Variants in FBXO8 observed in about 807,000 individuals in gnomAD.
FBXO8 encodes the protein F-box only protein 8.
Under a neutral mutation model 33.4 loss-of-function variants are expected in FBXO8, and 15 were observed. That is an observed-to-expected ratio of 0.45 (90% confidence interval 0.30 to 0.69). The LOEUF (loss-of-function observed/expected upper bound fraction) is 0.69. Ranked by LOEUF, FBXO8 falls within the 30% of genes least tolerant of loss-of-function variation. The probability of loss-of-function intolerance (pLI) is 0.08; values close to 1 mark genes in which losing one functional copy is unlikely to be tolerated. For synonymous variants in FBXO8, 132 were observed against 131.5 expected, an observed-to-expected ratio of 1.00 and a Z score of -0.02; for missense variants, 274 against 380.3, an observed-to-expected ratio of 0.72 and a Z score of 2.32.
At position 174,245,166 on chromosome 4, in the gene FBXO8, T is replaced by C. The variant is rs1036270688; in HGVS notation, c.457-3948A>G. 6.6e-6 allele frequency among the ~76,000 whole-genome samples: 1 copy of C among 151,826 alleles called. No homozygotes were observed. Among genetic ancestry groups the C allele is most frequent in the Admixed American group, 6.6e-5 (1 of 15,188 alleles). The stretch of plus-strand genomic sequence containing the variant: ...CCTAAGAAAATTTAAAGTTTATCTG[T>C]GGCAATGAGACACATACATAAACAT... On this transcript the variant is annotated intron_variant, in intron 3 of 5. Coordinates refer to ENST00000393674, the MANE Select transcript of FBXO8 (RefSeq NM_012180.3). This position sits in a 1 kb window ranked among gnomAD's most constrained non-coding sequence, Gnocchi z 4.6.
At chr4:174,271,005 G>A (rs1291104531) in intron 1 of FBXO8, among the ~76,000 whole-genome samples, 1 of 152,070 alleles carries the variant, frequency 6.6e-6, no homozygotes, top group African/African-American at 2.4e-5. Context: ...ACTCACTTTT[G>A]AAACAATCTT....
chr4:174,277,443 C>G lies in FBXO8; in HGVS notation c.-9+5967G>C, dbSNP rs1008880220. Among the ~76,000 whole-genome samples, 5 of 152,184 alleles carry G rather than the reference C, an allele frequency of 3.3e-5. No individual in the cohort carries two copies. The South Asian group carries it at 1.0e-3, about 32-fold the overall frequency. On this transcript the variant is annotated intron_variant, in intron 1 of 5. Transcript: ENST00000393674. The surrounding 1 kb of genome is among the most constrained non-coding windows in gnomAD (Gnocchi z 4.9). ...CTGCTTATAATTTCATGGCACTAAG[C>G]ACTCAAATGGCACATGCTGTGCAGA... is the stretch of plus-strand genomic sequence containing the variant.
chr4:174,263,430 G>A lies in FBXO8; in HGVS notation c.-8-330C>T, dbSNP rs186626127. 2.6e-5 allele frequency among the ~76,000 whole-genome samples: 4 copies of A among 152,226 alleles called. No homozygotes were observed. Among genetic ancestry groups the A allele is most frequent in the Admixed American group, 2.0e-4 (3 of 15,296 alleles). The stretch of plus-strand genomic sequence containing the variant: ...TAATACTCTTACAAATTATAATTAT[G>A]TGGACTTATGGGCCAGTATTAAATA... On this transcript the variant is annotated intron_variant, in intron 1 of 5. Transcript: ENST00000393674. The surrounding 1 kb of genome is among the most constrained non-coding windows in gnomAD (Gnocchi z 4.2).
intron 3 of FBXO8, among the ~76,000 whole-genome samples, chr4:174,250,419 G>A (rs766041861): frequency 7.2e-5 from 11 of 151,876 alleles, no homozygotes; most frequent in Admixed American, 2.6e-4. Flanking sequence ...TAAAACCCCA[G>A]CACACTTTGA....
intron 1 of FBXO8, among the ~76,000 whole-genome samples, chr4:174,282,497 A>G (rs1450653298): frequency 6.6e-6 from 1 of 152,202 alleles, no homozygotes; most frequent in Non-Finnish European, 1.5e-5. Context: ...CCCAATATGA[A>G]AAAAATAATA....
intron 3 of FBXO8, among the ~76,000 whole-genome samples, chr4:174,250,740 A>T (rs566735713): frequency 6.6e-6 from 1 of 152,278 alleles, no homozygotes; most frequent in African/African-American, 2.4e-5. Context: ...ACAATTGATG[A>T]CATCCAAGAA....
In FBXO8 at chr4:174,237,316, G is replaced by T; in HGVS notation, c.*96C>A. The T allele has an allele frequency of 3.1e-6, 3 of 969,060 alleles. No homozygotes were observed. The highest frequency in any genetic ancestry group is 4.6e-6 in the Non-Finnish European group (3 of 658,106). 60.0% of individuals were successfully genotyped at this position (969,060 alleles called of 1,614,324 possible). Reference sequence around the variant, plus strand: ...CACTGAAGCTTGATTGTATACTCAGGCTACAATGACCAGCACTGATGTAAC... The same window carrying T: ...CACTGAAGCTTGATTGTATACTCAGTCTACAATGACCAGCACTGATGTAAC... On this transcript the variant is annotated 3_prime_UTR_variant, in exon 6 of 6. Transcript: ENST00000393674. This position sits in a 1 kb window ranked among gnomAD's most constrained non-coding sequence, Gnocchi z 4.4.
At chr4:174,271,924 C>T (rs1050500322) in intron 1 of FBXO8, among the ~76,000 whole-genome samples, 2 of 152,128 alleles carry the variant, frequency 1.3e-5, no homozygotes, top group African/African-American at 2.4e-5. Context: ...AGGTACTCAT[C>T]AAAGTTCTGC....
At chr4:174,250,425 T>G (rs928390613) in intron 3 of FBXO8, among the ~76,000 whole-genome samples, 1 of 151,976 alleles carries the variant, frequency 6.6e-6, no homozygotes, top group African/African-American at 2.4e-5. Context: ...CCCAGCACAC[T>G]TTGAAATACC....
rs768394345 is a variant in FBXO8, at chr4:174,270,620, A to ATT, written c.-8-7522_-8-7521dup. Among the ~76,000 whole-genome samples, 55 of 142,630 alleles carry ATT rather than the reference A, an allele frequency of 3.9e-4. 1 individual carries two copies. Among genetic ancestry groups the ATT allele is most frequent in the South Asian group, 1.1e-3 (5 of 4,458 alleles). The allele number at this position is 142,630 out of a possible 152,430, so 93.6% of individuals were successfully genotyped here. A position where few individuals can be genotyped will look rare whatever the true frequency, so the allele number is the denominator to read the frequency against. The stretch of plus-strand genomic sequence containing the variant: ...TTCATGCTCATGTCTTAGGAATAGT[A>ATT]TTTTTTTTTTTTTTTGAGATTTAGT... On this transcript the variant is annotated intron_variant, in intron 1 of 5. Transcript: ENST00000393674. The surrounding 1 kb of genome is among the most constrained non-coding windows in gnomAD (Gnocchi z 4.6).
rs1390922097 is a variant in FBXO8 at position 174,257,290 on chromosome 4, TATA to T, written c.456+2406_456+2408del. On this transcript the variant is annotated intron_variant, in intron 3 of 5. Coordinates refer to ENST00000393674, the MANE Select transcript of FBXO8 (RefSeq NM_012180.3). The surrounding 1 kb of genome is among the most constrained non-coding windows in gnomAD (Gnocchi z 4.3). The stretch of plus-strand genomic sequence containing the variant: ...CATCTTTGTGTAAAAATGATTGCTT[TATA>T]ATTTGTTTAAAAATTGGCATTCCTT... Among the ~76,000 whole-genome samples, 6 of 152,184 alleles carry T rather than the reference TATA, an allele frequency of 3.9e-5. No individual in the cohort carries two copies. Among genetic ancestry groups the T allele is most frequent in the Non-Finnish European group, 8.8e-5 (6 of 68,026 alleles).
rs1736511852 is a variant in FBXO8 at position 174,259,942 on chromosome 4, A to C, written c.330-117T>G. On this transcript the variant is annotated intron_variant, in intron 2 of 5. Coordinates refer to ENST00000393674, the MANE Select transcript of FBXO8 (RefSeq NM_012180.3). This position sits in a 1 kb window ranked among gnomAD's most constrained non-coding sequence, Gnocchi z 4.3. Reference sequence around the variant, plus strand: ...AATAAGATTGAATTTTATAGTTCTAAAGTTTAAAATTTTTAAGTTTGTACT... The same window carrying C: ...AATAAGATTGAATTTTATAGTTCTACAGTTTAAAATTTTTAAGTTTGTACT... 3 of 1,158,100 alleles carry C rather than the reference A, an allele frequency of 2.6e-6. No homozygotes were observed. Among genetic ancestry groups the C allele is most frequent in the Non-Finnish European group, 3.6e-6 (3 of 840,078 alleles). 71.7% of individuals were successfully genotyped at this position (1,158,100 alleles called of 1,614,324 possible).
In FBXO8 at chr4:174,245,205, G is replaced by A. The variant is rs562657476; in HGVS notation, c.457-3987C>T. 1.3e-4 allele frequency among the ~76,000 whole-genome samples: 20 copies of A among 151,844 alleles called. 1 individual carries two copies. In the South Asian group the frequency reaches 1.5e-3, roughly 11 times the overall value. The stretch of plus-strand genomic sequence containing the variant: ...ATACATAAACATCTAGAATACACAC[G>A]TGCCAAGGTACATCAATAATACATG... On this transcript the variant is annotated intron_variant, in intron 3 of 5. Transcript: ENST00000393674. This position sits in a 1 kb window ranked among gnomAD's most constrained non-coding sequence, Gnocchi z 4.6.
chr4:174,252,801 C>A lies in FBXO8; in HGVS notation c.456+6898G>T, dbSNP rs946180099. On this transcript the variant is annotated intron_variant, in intron 3 of 5. Coordinates refer to ENST00000393674, the MANE Select transcript of FBXO8 (RefSeq NM_012180.3). This position sits in a 1 kb window ranked among gnomAD's most constrained non-coding sequence, Gnocchi z 5.1. ...GGCAGGTGGGTCACTTGAGGCAAAC[C>A]TGTCTCTACTAAAAAAAATATTAGC... Among the ~76,000 whole-genome samples the A allele has an allele frequency of 6.6e-6, 1 of 151,812 alleles. No individual in the cohort carries two copies. Among genetic ancestry groups the A allele is most frequent in the Admixed American group, 6.6e-5 (1 of 15,226 alleles).
In FBXO8 at chr4:174,281,235, G is replaced by C. The variant is rs1737080599; in HGVS notation, c.-9+2175C>G. 6.6e-6 allele frequency among the ~76,000 whole-genome samples: 1 copy of C among 151,996 alleles called. No individual in the cohort carries two copies. The highest frequency in any genetic ancestry group is 2.4e-5 in the African/African-American group (1 of 41,366). ...TCCACAAATCACTACTCCATATAGA[G>C]TCTCTCCAAGCTTGGCTTACTTGCT... is the stretch of plus-strand genomic sequence containing the variant. On this transcript the variant is annotated intron_variant, in intron 1 of 5. Transcript: ENST00000393674. This position sits in a 1 kb window ranked among gnomAD's most constrained non-coding sequence, Gnocchi z 4.6.
intron 1 of FBXO8, among the ~76,000 whole-genome samples, chr4:174,276,552 A>T (rs115184914): frequency 0.016 from 2,500 of 152,146 alleles, 43 homozygotes; most frequent in African/African-American, 0.048. Context: ...GCCAATTTTT[A>T]AAAAAAATTT....
rs556349182 is a variant in FBXO8, at chr4:174,253,473, A to G, written c.456+6226T>C. On this transcript the variant is annotated intron_variant, in intron 3 of 5. Transcript: ENST00000393674. The surrounding 1 kb of genome is among the most constrained non-coding windows in gnomAD (Gnocchi z 4.5). Reference sequence around the variant, plus strand: ...GAAGGTAGGGTCAGCTACCAACCAAATTGTTGTGCCACAGGTGCCAATGTT... The same window carrying G: ...GAAGGTAGGGTCAGCTACCAACCAAGTTGTTGTGCCACAGGTGCCAATGTT... Among the ~76,000 whole-genome samples, 2 of 152,254 alleles carry G rather than the reference A, an allele frequency of 1.3e-5. No individual in the cohort carries two copies. The highest frequency in any genetic ancestry group is 4.1e-4 in the South Asian group (2 of 4,826).
At position 174,275,626 on chromosome 4, in the gene FBXO8, TA is replaced by T. The variant is rs1429159926; in HGVS notation, c.-9+7783del. On this transcript the variant is annotated intron_variant, in intron 1 of 5. Coordinates refer to ENST00000393674, the MANE Select transcript of FBXO8 (RefSeq NM_012180.3). The surrounding 1 kb of genome is among the most constrained non-coding windows in gnomAD (Gnocchi z 4.4). ...TTATTGTATGTAAATGATACCTTAA[TA>T]AAGATGTTTTATAAAAAGGAATTAG... Among the ~76,000 whole-genome samples, 3 of 152,158 alleles carry T rather than the reference TA, an allele frequency of 2.0e-5. No homozygotes were observed. Among genetic ancestry groups the T allele is most frequent in the Non-Finnish European group, 4.4e-5 (3 of 68,012 alleles).
chr4:174,268,629 G>T (rs1253459733), intron 1 of FBXO8, among the ~76,000 whole-genome samples: 2 of 152,078 alleles, frequency 1.3e-5, no homozygotes, highest in Non-Finnish European at 2.9e-5. Context: ...GTAGAGACGG[G>T]GTTTCACCGT....
Sources: gnomAD v4.1 joint callset for allele counts (sites outside exome capture counted in the v4.1 genomes callset) on GRCh38, gnomAD v4.1.1 for gene constraint, Gnocchi (gnomAD v3.1) non-coding constraint, MANE v1.5 for transcripts, NCBI Gene and HGNC (gene_info 2026-07-23, HGNC 2026-07-21) for gene names.